Variants in FRMD4A observed in about 807,000 individuals in gnomAD.
FRMD4A encodes the protein FERM domain containing 4A.
FRMD4A carries 29 observed loss-of-function variants against 129.1 expected under a neutral mutation model. The ratio of observed to expected loss-of-function variants is 0.22; its 90% CI spans 0.17 to 0.31. The LOEUF (loss-of-function observed/expected upper bound fraction) is 0.31. Among genes scored for constraint, FRMD4A ranks in the 10% least tolerant of loss-of-function variants. The probability of loss-of-function intolerance (pLI) is 1.00; values close to 1 mark genes in which losing one functional copy is unlikely to be tolerated. For synonymous variants in FRMD4A, 634 were observed against 571.6 expected, an observed-to-expected ratio of 1.11 and a Z score of -1.56; for missense variants, 1,272 against 1,375.8, an observed-to-expected ratio of 0.92 and a Z score of 1.19.
intron 2 of FRMD4A, among the ~76,000 whole-genome samples, chr10:14,038,053 T>G (rs1203075439): frequency 1.3e-5 from 2 of 152,248 alleles, no homozygotes; most frequent in South Asian, 4.1e-4. Context: ...CCGGTCGCGG[T>G]GGCTCACGCC....
At chr10:14,176,737 G>A (rs1841743819) in intron 2 of FRMD4A, among the ~76,000 whole-genome samples, 2 of 152,140 alleles carry the variant, frequency 1.3e-5, no homozygotes, top group Middle Eastern at 6.8e-3. Context: ...CTCCCAAAGT[G>A]ATGGGATTAC....
chr10:13,918,622 G>A (rs902545156), intron 2 of FRMD4A, among the ~76,000 whole-genome samples: 4 of 151,620 alleles, frequency 2.6e-5, no homozygotes, highest in African/African-American at 4.9e-5. Flanking sequence ...TCTGCCTTCC[G>A]GATTCAAGTG....
chr10:14,034,213 T>G (rs570716625), intron 2 of FRMD4A, among the ~76,000 whole-genome samples: 1 of 152,288 alleles, frequency 6.6e-6, no homozygotes, highest in South Asian at 2.1e-4. Flanking sequence ...TTAAGCGCAT[T>G]TGTTGCATTG....
At chr10:13,764,375 T>C (rs544260609) in intron 6 of FRMD4A, among the ~76,000 whole-genome samples, 5 of 151,882 alleles carry the variant, frequency 3.3e-5, no homozygotes, top group Admixed American at 6.6e-5. Flanking sequence ...AGTGGTGGTG[T>C]ATGCCTGTAG....
intron 5 of FRMD4A, among the ~76,000 whole-genome samples, chr10:13,786,049 C>T (rs1302447077): frequency 1.3e-5 from 2 of 152,172 alleles, no homozygotes; most frequent in Non-Finnish European, 2.9e-5. Flanking sequence ...GGTTCCAAGT[C>T]TTTGCTGTTG....
chr10:14,176,968 G>T (rs17154774), intron 2 of FRMD4A, among the ~76,000 whole-genome samples: 4,738 of 152,164 alleles, frequency 0.031, 159 homozygotes, highest in East Asian at 0.14. Flanking sequence ...TTGAGACATC[G>T]CCCATGCCAT....
chr10:13,906,392 A>G (rs1202052443), intron 2 of FRMD4A, among the ~76,000 whole-genome samples: 1 of 152,182 alleles, frequency 6.6e-6, no homozygotes, highest in African/African-American at 2.4e-5. Context: ...CCAACAGCTT[A>G]CTAGTGGTGT....
intron 12 of FRMD4A, among the ~76,000 whole-genome samples, chr10:13,714,087 T>A (rs2088523394): frequency 7.9e-6 from 1 of 127,214 alleles, no homozygotes; most frequent in Non-Finnish European, 1.7e-5. Context: ...TGAGACACAG[T>A]CTCACTCTAT....
chr10:14,042,501 T>G (rs927395278), intron 2 of FRMD4A, among the ~76,000 whole-genome samples: 2 of 152,182 alleles, frequency 1.3e-5, no homozygotes, highest in Admixed American at 6.5e-5. Context: ...GTACCCTTTC[T>G]GCAGAAAGTA....
chr10:14,149,846 G>C (rs1840255367), intron 2 of FRMD4A, among the ~76,000 whole-genome samples: 1 of 152,138 alleles, frequency 6.6e-6, no homozygotes, highest in African/African-American at 2.4e-5. Context: ...CCTTCCTGTA[G>C]GTCCTGTTTT....
chr10:13,829,366 A>T (rs2093754384), intron 3 of FRMD4A, among the ~76,000 whole-genome samples: 1 of 152,044 alleles, frequency 6.6e-6, no homozygotes, highest in Non-Finnish European at 1.5e-5. Context: ...CTCCACAAAA[A>T]ATAAAAAAAT....
chr10:13,861,621 A>G lies in FRMD4A; in HGVS notation c.46-2709T>C, dbSNP rs79755559. Among the ~76,000 whole-genome samples the G allele has an allele frequency of 4.3e-4, 65 of 152,352 alleles. No homozygotes were observed. In the East Asian group the frequency reaches 0.012, roughly 28 times the overall value. On this transcript the variant is annotated intron_variant, in intron 2 of 24. Transcript: ENST00000357447. ...AATCCAAAGCCTTGCCATTCCGCAC[A>G]TACAAGTCAAAGCAGGCAGCTGTGG...
chr10:14,167,813 G>A (rs1841269216), intron 2 of FRMD4A, among the ~76,000 whole-genome samples: 1 of 152,092 alleles, frequency 6.6e-6, no homozygotes, highest in South Asian at 2.1e-4. Context: ...AAAAGGATAT[G>A]CCCACAGAGA....
rs112905190 is a variant in FRMD4A at position 13,680,712 on chromosome 10, C to T, written c.1118-5668G>A. The stretch of plus-strand genomic sequence containing the variant: ...CTGCACTCCAGCCGGGGTGACAGAG[C>T]GAGACTCCATTTAAAAAAAAAAATT... On this transcript the variant is annotated intron_variant, in intron 15 of 24. Transcript: ENST00000357447. Among the ~76,000 whole-genome samples, 1,179 of 150,494 alleles carry T rather than the reference C, an allele frequency of 7.8e-3. 6 individuals carry two copies. Among genetic ancestry groups the T allele is most frequent in the Non-Finnish European group, 0.013 (873 of 67,734 alleles).
chr10:14,014,452 G>C (rs191174698), intron 2 of FRMD4A, among the ~76,000 whole-genome samples: 1 of 152,110 alleles, frequency 6.6e-6, no homozygotes, highest in African/African-American at 2.4e-5. Flanking sequence ...CAGGAGGGGG[G>C]AGTTTGGAAG....
rs2095634838 is a variant in FRMD4A at position 13,999,700 on chromosome 10, G to C, written c.46-140788C>G. 3.3e-5 allele frequency among the ~76,000 whole-genome samples: 5 copies of C among 152,330 alleles called. No individual in the cohort carries two copies. The South Asian group carries it at 1.0e-3, about 32-fold the overall frequency. ...ACTATCTCAAAATATCCCCACAAGGGTTGTGATTGGGAAGAAAAGGGACTG... is the reference window on the plus strand; with the variant it reads ...ACTATCTCAAAATATCCCCACAAGGCTTGTGATTGGGAAGAAAAGGGACTG... On this transcript the variant is annotated intron_variant, in intron 2 of 24. Transcript: ENST00000357447.
At chr10:14,185,608 C>T (rs181995659) in intron 2 of FRMD4A, among the ~76,000 whole-genome samples, 10 of 140,262 alleles carry the variant, frequency 7.1e-5, no homozygotes, top group South Asian at 2.2e-4. Flanking sequence ...GGTAGAGAGA[C>T]AGAAAGGGGA....
intron 2 of FRMD4A, among the ~76,000 whole-genome samples, chr10:14,005,008 TTC>T (rs943286440): frequency 4.7e-5 from 7 of 148,178 alleles, no homozygotes; most frequent in African/African-American, 1.8e-4. Flanking sequence ...CATTTTATAT[TTC>T]TTTCTTTCTT....
intron 2 of FRMD4A, among the ~76,000 whole-genome samples, chr10:14,088,732 G>C (rs572752009): frequency 4.6e-4 from 61 of 131,484 alleles, no homozygotes; most frequent in Middle Eastern, 0.01. Flanking sequence ...CTTGCCGCGA[G>C]CCAAGATCAC....
Sources: allele counts gnomAD v4.1 joint callset (sites outside exome capture counted in the v4.1 genomes callset), GRCh38; gene constraint gnomAD v4.1.1; transcripts MANE v1.5; gene names NCBI Gene and HGNC (gene_info 2026-07-23, HGNC 2026-07-21).